PITPNC1: variants seen among roughly 807,000 people sequenced by gnomAD.
The protein encoded by PITPNC1 is phosphatidylinositol transfer protein cytoplasmic 1.
A neutral mutation model predicts 44.7 loss-of-function variants in PITPNC1; 18 were observed. The ratio of observed to expected loss-of-function variants is 0.40; its 90% CI spans 0.28 to 0.60. The LOEUF (loss-of-function observed/expected upper bound fraction) is 0.60, where lower values mean the gene tolerates loss of function less well. Ranked by LOEUF, PITPNC1 falls within the 20% of genes least tolerant of loss-of-function variation. PITPNC1 has a pLI of 0.39. For missense variants in PITPNC1, 290 were observed against 418.4 expected (o/e 0.69, Z 2.68); for synonymous variants, 141 against 149.6 (o/e 0.94, Z 0.42).
intron 6 of PITPNC1, among the ~76,000 whole-genome samples, chr17:67,647,716 G>A (rs139875680): frequency 3.3e-5 from 5 of 151,870 alleles, no homozygotes; most frequent in Admixed American, 6.6e-5. Context: ...GCATCCACAC[G>A]ATAGTCTTAG....
intron 1 of PITPNC1, among the ~76,000 whole-genome samples, chr17:67,490,300 A>G (rs555531489): frequency 6.6e-6 from 1 of 152,180 alleles, no homozygotes; most frequent in African/African-American, 2.4e-5. Context: ...AACCAGGGAT[A>G]ATGAATTATT....
At chr17:67,450,663 G>T (rs562053971) in intron 1 of PITPNC1, among the ~76,000 whole-genome samples, 10 of 152,170 alleles carry the variant, frequency 6.6e-5, no homozygotes, top group Non-Finnish European at 1.2e-4. Context: ...CTGGGCTCAA[G>T]TGATCCACCC....
chr17:67,681,260 T>A (rs2042699293), intron 8 of PITPNC1, among the ~76,000 whole-genome samples: 2 of 152,012 alleles, frequency 1.3e-5, no homozygotes. Context: ...TAGGGGAAAA[T>A]ATTTGCTGCA....
intron 1 of PITPNC1, among the ~76,000 whole-genome samples, chr17:67,449,377 C>T (rs1369544364): frequency 1.3e-5 from 2 of 152,120 alleles, no homozygotes; most frequent in African/African-American, 4.8e-5. Flanking sequence ...TGGGTATTGT[C>T]AATTTAATTT....
chr17:67,410,064 A>T (rs1233261741), intron 1 of PITPNC1, among the ~76,000 whole-genome samples: 2 of 152,194 alleles, frequency 1.3e-5, no homozygotes, highest in African/African-American at 4.8e-5. Context: ...TGTCATACTT[A>T]TGCTTCTATC....
chr17:67,416,203 CTTTTTTTTTTTTTT>C (rs71687631), intron 1 of PITPNC1, among the ~76,000 whole-genome samples: 2 of 67,614 alleles, frequency 3.0e-5, no homozygotes, highest in Admixed American at 2.2e-4. Flanking sequence ...ACATGTATTG[CTTTTTTTTTTTTTT>C]TTTTTTTTTT....
At chr17:67,438,004 G>T (rs1410999784) in intron 1 of PITPNC1, among the ~76,000 whole-genome samples, 1 of 151,754 alleles carries the variant, frequency 6.6e-6, no homozygotes, top group Non-Finnish European at 1.5e-5. Context: ...GGAGGCGGAG[G>T]TTGCAGTGAG....
At chr17:67,615,637 C>A (rs1567739831) in intron 5 of PITPNC1, among the ~76,000 whole-genome samples, 1 of 152,088 alleles carries the variant, frequency 6.6e-6, no homozygotes, top group Non-Finnish European at 1.5e-5. Context: ...ACACCGAACA[C>A]CGAGGCTGTG....
At chr17:67,691,341 TTAAA>T (rs1453457208) in intron 8 of PITPNC1, among the ~76,000 whole-genome samples, 1 of 152,224 alleles carries the variant, frequency 6.6e-6, no homozygotes, top group Non-Finnish European at 1.5e-5. Flanking sequence ...ACTTTCTCAC[TTAAA>T]TAAGAACATT....
intron 1 of PITPNC1, among the ~76,000 whole-genome samples, chr17:67,439,947 A>T (rs771927331): frequency 7.9e-5 from 12 of 152,138 alleles, no homozygotes; most frequent in Admixed American, 1.3e-4. Context: ...CAAACCCAAA[A>T]CCTTCTTTCC....
intron 6 of PITPNC1, among the ~76,000 whole-genome samples, chr17:67,647,486 T>G (rs1030448105): frequency 3.3e-5 from 4 of 122,364 alleles, no homozygotes; most frequent in Admixed American, 8.0e-5. Flanking sequence ...TTTTTTTTTT[T>G]TTTTTTTGTA....
chr17:67,484,136 T>G (rs1363878836), intron 1 of PITPNC1, among the ~76,000 whole-genome samples: 1 of 152,046 alleles, frequency 6.6e-6, no homozygotes, highest in African/African-American at 2.4e-5. Flanking sequence ...TAGGCTGGTC[T>G]CGAACTCCCC....
intron 6 of PITPNC1, 140 bp downstream of exon 6, chr17:67,632,378 T>A (rs1224736888): frequency 3.2e-6 from 2 of 627,356 alleles, no homozygotes; most frequent in African/African-American, 3.7e-5. Context: ...GCTGGTTCTT[T>A]TTGCAAGTCT....
chr17:67,400,525 A>G (rs1424981080), intron 1 of PITPNC1, among the ~76,000 whole-genome samples: 1 of 152,068 alleles, frequency 6.6e-6, no homozygotes, highest in East Asian at 1.9e-4. Flanking sequence ...TTTAAAACGC[A>G]TTCCTCCCCC....
At chr17:67,644,425 ATTTTTTTTTTTT>A (rs750245444) in intron 6 of PITPNC1, among the ~76,000 whole-genome samples, 12 of 109,042 alleles carry the variant, frequency 1.1e-4, no homozygotes, top group African/African-American at 4.0e-4. Context: ...TCCCTCTGTA[ATTTTTTTTTTTT>A]TTTTTTTTTT....
chr17:67,431,891 C>T (rs1390346715), intron 1 of PITPNC1, among the ~76,000 whole-genome samples: 1 of 152,168 alleles, frequency 6.6e-6, no homozygotes, highest in Non-Finnish European at 1.5e-5. Flanking sequence ...ATTTCAGCAA[C>T]ATTTATCTTT....
intron 4 of PITPNC1, among the ~76,000 whole-genome samples, chr17:67,571,155 G>A (rs1354519553): frequency 6.6e-6 from 1 of 152,232 alleles, no homozygotes; most frequent in Non-Finnish European, 1.5e-5. Flanking sequence ...AAGTGGCTGG[G>A]TGCAATGGCT....
At chr17:67,425,193 G>GCGCGCGCGCGCGCGCGCACACA (rs1160522771) in intron 1 of PITPNC1, among the ~76,000 whole-genome samples, 9 of 52,122 alleles carry the variant, frequency 1.7e-4, no homozygotes, top group Admixed American at 6.0e-4. Flanking sequence ...TTGTGCGCGC[G>GCGCGCGCGCGCGCGCGCACACA]CACGCACACG....
At chr17:67,518,329 G>C (rs1427237351) in intron 1 of PITPNC1, among the ~76,000 whole-genome samples, 2 of 152,158 alleles carry the variant, frequency 1.3e-5, no homozygotes, top group African/African-American at 4.8e-5. Context: ...TGACATTAAA[G>C]AGATTTACTG....
Sources: allele counts gnomAD v4.1 joint callset (sites outside exome capture counted in the v4.1 genomes callset), GRCh38; gene constraint gnomAD v4.1.1; transcripts MANE v1.5; gene names NCBI Gene and HGNC (gene_info 2026-07-23, HGNC 2026-07-21).